RBFOX1: variants seen among roughly 807,000 people sequenced by gnomAD.
RBFOX1 encodes RNA binding protein fox-1 homolog 1.
A neutral mutation model predicts 57.7 loss-of-function variants in RBFOX1; 8 were observed. The observed-to-expected ratio is 0.14, with a 90% CI of 0.08 to 0.25. RBFOX1 has a LOEUF of 0.25. Ranked by LOEUF, RBFOX1 falls within the 10% of genes least tolerant of loss-of-function variation. RBFOX1 has a pLI of 1.00. For missense variants in RBFOX1, 611 were observed against 548.5 expected (o/e 1.11, Z -1.14); for synonymous variants, 326 against 222.4 (o/e 1.47, Z -4.15).
intron 3 of RBFOX1, among the ~76,000 whole-genome samples, chr16:6,720,835 A>G (rs1043063904): frequency 1.6e-4 from 25 of 152,222 alleles, no homozygotes; most frequent in Non-Finnish European, 3.5e-4. Flanking sequence ...AGTGTATCCC[A>G]CAAGTGAATA....
chr16:6,856,371 C>G (rs1054676477), intron 3 of RBFOX1, among the ~76,000 whole-genome samples: 7 of 152,098 alleles, frequency 4.6e-5, no homozygotes, highest in East Asian at 1.9e-4. Context: ...GATGAGTAGA[C>G]TATGTCTCCT....
At chr16:7,649,659 A>T (rs1252240571) in intron 11 of RBFOX1, among the ~76,000 whole-genome samples, 1 of 152,188 alleles carries the variant, frequency 6.6e-6, no homozygotes, top group Non-Finnish European at 1.5e-5. Context: ...CAGAAGGAAG[A>T]CAAACATTGG....
chr16:5,915,376 G>T (rs2058682825), intron 4 of RBFOX1, among the ~76,000 whole-genome samples: 1 of 152,196 alleles, frequency 6.6e-6, no homozygotes, highest in South Asian at 2.1e-4. Context: ...AAGCACTCCA[G>T]AGACTAAAAT....
intron 2 of RBFOX1, among the ~76,000 whole-genome samples, chr16:6,571,279 C>G (rs2097341079): frequency 2.0e-5 from 3 of 152,252 alleles, no homozygotes; most frequent in Admixed American, 6.5e-5. Context: ...GCCTGAGAAC[C>G]ACAGCAGGAC....
intron 4 of RBFOX1, among the ~76,000 whole-genome samples, chr16:7,325,007 A>C (rs1318569116): frequency 6.6e-6 from 1 of 152,216 alleles, no homozygotes; most frequent in Admixed American, 6.5e-5. Context: ...ACATAGAAGA[A>C]GGAGGTAAGC....
At chr16:6,627,338 A>G (rs1567945516) in intron 2 of RBFOX1, among the ~76,000 whole-genome samples, 1 of 152,228 alleles carries the variant, frequency 6.6e-6, no homozygotes, top group Admixed American at 6.5e-5. Context: ...AGGTGAGCTT[A>G]GGACATACGG....
chr16:6,080,545 A>T (rs1425149278), intron 1 of RBFOX1, among the ~76,000 whole-genome samples: 1 of 152,234 alleles, frequency 6.6e-6, no homozygotes, highest in East Asian at 1.9e-4. Flanking sequence ...CAATGAATGC[A>T]TAATTAAGAT....
chr16:6,698,077 G>A (rs2061318288), intron 3 of RBFOX1, among the ~76,000 whole-genome samples: 1 of 152,150 alleles, frequency 6.6e-6, no homozygotes, highest in African/African-American at 2.4e-5. Context: ...TGAATTTGGA[G>A]TTATTTCAAC....
intron 4 of RBFOX1, among the ~76,000 whole-genome samples, chr16:5,869,907 C>G (rs1022594953): frequency 1.3e-5 from 2 of 152,070 alleles, no homozygotes; most frequent in African/African-American, 2.4e-5. Context: ...TACCCAAACA[C>G]TGGAAACAAA....
At chr16:7,707,258 G>A (rs77120765) in intron 14 of RBFOX1, among the ~76,000 whole-genome samples, 7 of 152,088 alleles carry the variant, frequency 4.6e-5, no homozygotes, top group Non-Finnish European at 7.4e-5. Flanking sequence ...TCCACCTAGG[G>A]TCTAACTTGG....
chr16:6,494,995 A>G (rs1159336240), intron 2 of RBFOX1, among the ~76,000 whole-genome samples: 1 of 152,204 alleles, frequency 6.6e-6, no homozygotes, highest in Non-Finnish European at 1.5e-5. Flanking sequence ...GGAAACACCA[A>G]GCACAAAATG....
intron 4 of RBFOX1, among the ~76,000 whole-genome samples, chr16:7,228,058 A>G (rs1320788511): frequency 1.3e-5 from 2 of 152,100 alleles, no homozygotes; most frequent in African/African-American, 4.8e-5. Context: ...CTTTCTCCTG[A>G]TACTGCCTGA....
chr16:6,260,001 C>G (rs563656008), intron 1 of RBFOX1, among the ~76,000 whole-genome samples: 94 of 151,660 alleles, frequency 6.2e-4, no homozygotes, highest in African/African-American at 2.2e-3. Context: ...TCCATTCCCA[C>G]TTTCAAATCT....
intron 4 of RBFOX1, among the ~76,000 whole-genome samples, chr16:7,228,197 A>C (rs1285989994): frequency 6.6e-6 from 1 of 152,114 alleles, no homozygotes; most frequent in Non-Finnish European, 1.5e-5. Flanking sequence ...GTTGTGTGCC[A>C]ACAGATAGTA....
chr16:5,972,877 T>A (rs1567207451), intron 4 of RBFOX1, among the ~76,000 whole-genome samples: 3 of 152,232 alleles, frequency 2.0e-5, no homozygotes, highest in Admixed American at 1.3e-4. Flanking sequence ...CAGCTTTGAA[T>A]GCTTGAGGAG....
chr16:6,823,485 G>T (rs1351473174), intron 3 of RBFOX1, among the ~76,000 whole-genome samples: 1 of 151,926 alleles, frequency 6.6e-6, no homozygotes, highest in East Asian at 1.9e-4. Context: ...TCAAACTACT[G>T]GTCTCAGGTC....
intron 4 of RBFOX1, among the ~76,000 whole-genome samples, chr16:7,482,623 C>G (rs1041081400): frequency 1.5e-5 from 2 of 131,390 alleles, no homozygotes; most frequent in Non-Finnish European, 3.0e-5. Flanking sequence ...TCTGGATCTG[C>G]TTTCCAAGAG....
At chr16:7,041,601 G>A (rs971359723) in intron 3 of RBFOX1, among the ~76,000 whole-genome samples, 2 of 152,094 alleles carry the variant, frequency 1.3e-5, no homozygotes, top group Admixed American at 6.6e-5. Context: ...AGTGATAACT[G>A]CCAGCTGCCC....
chr16:6,829,810 C>G (rs2092567560), intron 3 of RBFOX1, among the ~76,000 whole-genome samples: 1 of 152,198 alleles, frequency 6.6e-6, no homozygotes, highest in South Asian at 2.1e-4. Flanking sequence ...CCACGTTGGC[C>G]AGGCTGGTAT....
Sources: gnomAD v4.1 joint callset for allele counts (sites outside exome capture counted in the v4.1 genomes callset) on GRCh38, gnomAD v4.1.1 for gene constraint, MANE v1.5 for transcripts, NCBI Gene and HGNC (gene_info 2026-07-23, HGNC 2026-07-21) for gene names.